SFXN4: variants seen among roughly 807,000 people sequenced by gnomAD.
SFXN4 encodes sideroflexin 4.
Under a neutral mutation model 54.6 loss-of-function variants are expected in SFXN4, and 48 were observed. That is an observed-to-expected ratio of 0.88 (90% CI 0.70 to 1.12). The LOEUF (loss-of-function observed/expected upper bound fraction) is 1.12, where lower values mean the gene tolerates loss of function less well. SFXN4 is among the 50% of genes most tolerant of loss of function. The probability of loss-of-function intolerance (pLI) is 0.00; values close to 1 mark genes in which losing one functional copy is unlikely to be tolerated. For synonymous variants in SFXN4, 130 were observed against 145.5 expected (o/e 0.89, Z 0.77); for missense variants, 383 against 409.2 (o/e 0.94, Z 0.55).
At chr10:119,156,182 G>A (rs1432646074) in intron 10 of SFXN4, among the ~76,000 whole-genome samples, 1 of 152,196 alleles carries the variant, frequency 6.6e-6, no homozygotes, top group Non-Finnish European at 1.5e-5. Flanking sequence ...CAGCATTTTG[G>A]AAAGCTGAGG....
At chr10:119,165,446 T>G (rs1027385750) in intron 1 of SFXN4, 91 bp downstream of exon 1, 153 of 1,378,240 alleles carry the variant, frequency 1.1e-4, no homozygotes, top group Non-Finnish European at 1.3e-4. Context: ...GGCGCCCACG[T>G]GGCCTGGCCA....
In SFXN4 at chr10:119,146,308, T is replaced by C. The variant is rs751122869; in HGVS notation, c.864A>G (p.Lys288=). The C allele has an allele frequency of 3.1e-6, 5 of 1,613,404 alleles. No individual in the cohort carries two copies. In the East Asian group the frequency reaches 1.1e-4, roughly 36 times the overall value. Residue 288 remains lysine, a synonymous_variant, in exon 13 of 14, where the codon AAA becomes AAG. Coordinates refer to ENST00000355697, the MANE Select transcript of SFXN4 (RefSeq NM_213649.2). ...CCATTGCCAGGACAGTACAAGACAG[T>C]TTCAAAATCCACAATGACCCTGGGT... ...RKNPGSLWIL[K]LSCTVLAMGL...
Position 119,165,640 on chromosome 10 carries a change from A to AG in SFXN4, c.7dup (p.Leu3ProfsTer24). Reference sequence around the variant, plus strand: ...AGGTTGCGTTTCCTCCTCCTGTTCCAGGGACATTTTGCGCTGGTTAGAGTG... The same window carrying AG: ...AGGTTGCGTTTCCTCCTCCTGTTCCAGGGGACATTTTGCGCTGGTTAGAGTG... On this transcript the variant is annotated frameshift_variant, in exon 1 of 14. Transcript: ENST00000355697. LOFTEE classifies it high-confidence loss of function. 1 of 1,587,406 alleles carries AG rather than the reference A, an allele frequency of 6.3e-7. No individual in the cohort carries two copies.
chr10:119,157,311 G>T (rs1482924754), intron 9 of SFXN4, among the ~76,000 whole-genome samples: 1 of 151,466 alleles, frequency 6.6e-6, no homozygotes, highest in Non-Finnish European at 1.5e-5. Flanking sequence ...CGTGCCTGTA[G>T]TCCCGGCTAC....
chr10:119,146,452 TG>T, intron 12 of SFXN4, 99 bp from the exon 13 acceptor site: 1 of 588,444 alleles, frequency 1.7e-6, no homozygotes, highest in African/African-American at 2.4e-5. Context: ...TGTGTGTGTG[TG>T]TGTGTGTGCA....
intron 11 of SFXN4, among the ~76,000 whole-genome samples, chr10:119,154,210 C>T (rs1258693694): frequency 6.6e-6 from 1 of 151,954 alleles, no homozygotes; most frequent in Non-Finnish European, 1.5e-5. Flanking sequence ...AGGTTACCCT[C>T]CACAATGTGG....
In SFXN4 at chr10:119,155,053, G is replaced by C. The variant is rs1214193739; in HGVS notation, c.732+9C>G. ...AGGCAAGCAGCTATAGCTTCATCCT[G>C]TCTCTTACCTTTGTCCCAGCAATTC... On this transcript the variant is annotated intron_variant, in intron 11 of 13. Transcript: ENST00000355697. 6.2e-7 allele frequency: 1 copy of C among 1,600,222 alleles called. No individual in the cohort carries two copies.
chr10:119,145,482 T>G (rs1164677591), intron 13 of SFXN4, among the ~76,000 whole-genome samples: 1 of 151,958 alleles, frequency 6.6e-6, no homozygotes, highest in Non-Finnish European at 1.5e-5. Flanking sequence ...TTTTGTATTT[T>G]TAGTAGAGCT....
rs901408834 is a variant in SFXN4 at position 119,155,112 on chromosome 10, T to A, written c.682A>T (p.Met228Leu). 7 of 1,614,254 alleles carry A rather than the reference T, an allele frequency of 4.3e-6. No individual in the cohort carries two copies. Among genetic ancestry groups the A allele is most frequent in the Non-Finnish European group, 5.1e-6 (6 of 1,180,024 alleles). Residue 228 changes from methionine (M) to leucine (L), a missense_variant, in exon 11 of 14, where the codon ATG (methionine) becomes TTG (leucine). Physicochemically the swap from Met to Leu is conservative, Grantham distance 15. Transcript: ENST00000355697. ...CCCAGGACATTGCCTTCCTTGTCCA[T>A]GACCGCAATCCCCTTAATGGATTCA... ...SLESIKGIAV[M>L]DKEGNVLGHS...
In SFXN4 at chr10:119,157,874, AC is replaced by A; in HGVS notation, c.467del (p.Ser156IlefsTer7). On this transcript the variant is annotated frameshift_variant, in exon 8 of 14. Transcript: ENST00000355697. LOFTEE classifies it high-confidence loss of function. ...AAFNSINGNR[S>X]YTCKPLERSL... Reference sequence around the variant, plus strand: ...CTCTGGGTCTCATAATACTCACGTAACTTCTGTTTCCATTGATGCTGTTGAA... The same window carrying A: ...CTCTGGGTCTCATAATACTCACGTAATTCTGTTTCCATTGATGCTGTTGAA... 4 of 1,614,242 alleles carry A rather than the reference AC, an allele frequency of 2.5e-6. No homozygotes were observed. Among genetic ancestry groups the A allele is most frequent in the Non-Finnish European group, 3.4e-6 (4 of 1,180,024 alleles).
chr10:119,156,507 A>G (rs1250902142), intron 10 of SFXN4, among the ~76,000 whole-genome samples, 171 bp downstream of exon 10: 2 of 152,108 alleles, frequency 1.3e-5, no homozygotes, highest in African/African-American at 2.4e-5. Flanking sequence ...AGAAAGTGTC[A>G]CCTCTCAAAC....
At position 119,147,797 on chromosome 10, in the gene SFXN4, C is replaced by T; in HGVS notation, c.796G>A (p.Val266Ile). ...TACCTTTTAAAAAAGTAGGTGAAGA[C>T]TTCAGGAATCAGAGCTGAGGTCCCA... ...LFGTSALIPE[V>I]FTYFFKRTQY... The change falls in exon 12 of 14, where the codon GTC becomes ATC. Residue 266 changes from valine (V) to isoleucine (I), a missense_variant. Transcript: ENST00000355697. The T allele has an allele frequency of 6.2e-7, 1 of 1,614,114 alleles. No individual in the cohort carries two copies.
At chr10:119,144,195 G>A (rs1462210141) in intron 13 of SFXN4, among the ~76,000 whole-genome samples, 3 of 152,130 alleles carry the variant, frequency 2.0e-5, no homozygotes, top group South Asian at 2.1e-4. Context: ...GGTGGCTCAC[G>A]CCTGTAATAC....
Position 119,164,154 on chromosome 10 carries a change from G to T in SFXN4, c.154C>A (p.Pro52Thr). ...RFLQWTELLD[P>T]TNVFISVESI... ...ACAACTGAAATGAACACATTTGTAG[G>T]ATCTAATAATTCTGTCCATTGAAGA... Residue 52 changes from proline (P) to threonine (T), a missense_variant, in exon 2 of 14, where the codon CCT becomes ACT. Coordinates refer to ENST00000355697, the MANE Select transcript of SFXN4 (RefSeq NM_213649.2). The T allele has an allele frequency of 6.3e-7, 1 of 1,591,950 alleles. No homozygotes were observed. The highest frequency in any genetic ancestry group is 8.6e-7 in the Non-Finnish European group (1 of 1,167,762).
At position 119,159,151 on chromosome 10, in the gene SFXN4, G is replaced by A. The variant is rs936296547; in HGVS notation, c.360+577C>T. On this transcript the variant is annotated intron_variant, in intron 6 of 13. Coordinates refer to ENST00000355697, the MANE Select transcript of SFXN4 (RefSeq NM_213649.2). Reference sequence around the variant, plus strand: ...AAACATTAGCTGGGTATGGTGGTGAGCGCCTGTAATCCCAGCTACTCAGGA... The same window carrying A: ...AAACATTAGCTGGGTATGGTGGTGAACGCCTGTAATCCCAGCTACTCAGGA... Among the ~76,000 whole-genome samples the A allele has an allele frequency of 3.3e-5, 5 of 151,874 alleles. No individual in the cohort carries two copies. In the East Asian group the frequency reaches 7.7e-4, roughly 24 times the overall value.
Position 119,141,137 on chromosome 10 carries a change from C to T in SFXN4, c.*105G>A. 1.4e-6 allele frequency: 1 copy of T among 738,764 alleles called. No homozygotes were observed. Among genetic ancestry groups the T allele is most frequent in the Non-Finnish European group, 2.3e-6 (1 of 433,040 alleles). The allele number at this position is 738,764 out of a possible 1,614,324, so 45.8% of individuals were successfully genotyped here. A position where few individuals can be genotyped will look rare whatever the true frequency, so the allele number is the denominator to read the frequency against. ...TCTGAAGTCGCCTTGTCAGCACAGACACCTCTGGGGTCCCCAGAAGACCTG... is the reference window on the plus strand; with the variant it reads ...TCTGAAGTCGCCTTGTCAGCACAGATACCTCTGGGGTCCCCAGAAGACCTG... On this transcript the variant is annotated 3_prime_UTR_variant, in exon 14 of 14. Coordinates refer to ENST00000355697, the MANE Select transcript of SFXN4 (RefSeq NM_213649.2).
intron 10 of SFXN4, 131 bp from the exon 11 acceptor site, chr10:119,155,308 G>A: frequency 1.5e-6 from 1 of 653,588 alleles, no homozygotes; most frequent in Non-Finnish European, 2.8e-6. Context: ...ACCCTCAGGT[G>A]GACACCTGCC....
intron 13 of SFXN4, among the ~76,000 whole-genome samples, chr10:119,145,817 ATTTTG>A (rs1208460246): frequency 6.6e-6 from 1 of 152,008 alleles, no homozygotes; most frequent in East Asian, 1.9e-4. Flanking sequence ...AGCCAATTGT[ATTTTG>A]TTTTATTATT....
chr10:119,146,405 T>C, intron 12 of SFXN4, 52 bp from the exon 13 acceptor site: 1 of 1,124,054 alleles, frequency 8.9e-7, no homozygotes, highest in East Asian at 2.4e-5. Context: ...TCAGGGCTTA[T>C]TTTCTGAACA....
Sources: gnomAD v4.1 joint callset for allele counts (sites outside exome capture counted in the v4.1 genomes callset) on GRCh38, gnomAD v4.1.1 for gene constraint, MANE v1.5 for transcripts, NCBI Gene and HGNC (gene_info 2026-07-23, HGNC 2026-07-21) for gene names.